WWOX: variants seen among roughly 807,000 people sequenced by gnomAD.
WWOX encodes WW domain containing oxidoreductase, also known as WW domain-containing oxidoreductase.
A neutral mutation model predicts 46.2 loss-of-function variants in WWOX; 69 were observed. That is an observed-to-expected ratio of 1.49 (90% confidence interval 1.23 to 1.82). The LOEUF (loss-of-function observed/expected upper bound fraction) is 1.82, where lower values mean the gene tolerates loss of function less well. WWOX is among the 40% of genes most tolerant of loss of function. The probability of loss-of-function intolerance (pLI) is 0.00; values close to 1 mark genes in which losing one functional copy is unlikely to be tolerated. For synonymous variants in WWOX, 359 were observed against 202.6 expected, an observed-to-expected ratio of 1.77 and a Z score of -6.56; for missense variants, 919 against 542.6, an observed-to-expected ratio of 1.69 and a Z score of -6.89.
At chr16:78,660,150 T>C (rs936849852) in intron 8 of WWOX, among the ~76,000 whole-genome samples, 1 of 152,208 alleles carries the variant, frequency 6.6e-6, no homozygotes. Flanking sequence ...CCCATCTGTT[T>C]ACTATTGTGG....
intron 8 of WWOX, among the ~76,000 whole-genome samples, chr16:78,704,524 G>T (rs556409199): frequency 2.0e-5 from 3 of 152,254 alleles, no homozygotes; most frequent in East Asian, 3.9e-4. Context: ...ACGAGACTTA[G>T]TATCTGTTGC....
intron 6 of WWOX, among the ~76,000 whole-genome samples, chr16:78,422,844 T>TACACACAC (rs370327902): frequency 1.3e-4 from 14 of 105,114 alleles, no homozygotes; most frequent in South Asian, 6.4e-4. Context: ...TATATACATA[T>TACACACAC]ACACACACAC....
At chr16:78,588,585 C>G (rs1368612526) in intron 8 of WWOX, among the ~76,000 whole-genome samples, 3 of 152,154 alleles carry the variant, frequency 2.0e-5, no homozygotes, top group African/African-American at 7.2e-5. Flanking sequence ...ACCAGTTAGT[C>G]TATTTTTTGT....
intron 5 of WWOX, among the ~76,000 whole-genome samples, chr16:78,189,907 G>A (rs539602257): frequency 9.9e-5 from 15 of 152,104 alleles, no homozygotes; most frequent in African/African-American, 3.1e-4. Flanking sequence ...CACCCACCTC[G>A]GCCTCCCAAA....
chr16:78,335,668 T>C (rs2080872784), intron 5 of WWOX, among the ~76,000 whole-genome samples: 1 of 152,168 alleles, frequency 6.6e-6, no homozygotes, highest in Admixed American at 6.5e-5. Context: ...TGCAGCAGTT[T>C]TCACAGTAGA....
chr16:78,484,391 G>C (rs1567599906), intron 8 of WWOX, among the ~76,000 whole-genome samples: 1 of 151,978 alleles, frequency 6.6e-6, no homozygotes, highest in Non-Finnish European at 1.5e-5. Context: ...TATTGATCCA[G>C]CAGCTGGTAT....
intron 8 of WWOX, among the ~76,000 whole-genome samples, chr16:78,808,945 G>C (rs1436452413): frequency 6.6e-6 from 1 of 152,136 alleles, no homozygotes; most frequent in Non-Finnish European, 1.5e-5. Flanking sequence ...GGGGCGAAAT[G>C]TCATGCGCTT....
chr16:78,420,182 A>G (rs929604664), intron 6 of WWOX, among the ~76,000 whole-genome samples: 4 of 152,160 alleles, frequency 2.6e-5, no homozygotes, highest in Non-Finnish European at 4.4e-5. Context: ...GTAAAATTGT[A>G]TGGCCAAACT....
chr16:78,474,511 T>A (rs2151438355), intron 8 of WWOX, among the ~76,000 whole-genome samples: 1 of 152,388 alleles, frequency 6.6e-6, no homozygotes. Context: ...TTTTCTTGTT[T>A]GCTTTTCTTT....
intron 8 of WWOX, among the ~76,000 whole-genome samples, chr16:78,719,117 C>G (rs773674502): frequency 7.9e-5 from 12 of 152,166 alleles, no homozygotes; most frequent in Non-Finnish European, 1.3e-4. Flanking sequence ...GTTTCAAATC[C>G]AAGCCCATCA....
Position 78,999,806 on chromosome 16 carries a change from C to G in WWOX, c.1057-211802C>G, listed in dbSNP as rs187827688. On this transcript the variant is annotated intron_variant, in intron 8 of 8. Coordinates refer to ENST00000566780, the MANE Select transcript of WWOX (RefSeq NM_016373.4). Reference sequence around the variant, plus strand: ...GGATACACTAAAAGTGCAGACTTCACCACTACGCCATATATGCGTGTAAGA... The same window carrying G: ...GGATACACTAAAAGTGCAGACTTCAGCACTACGCCATATATGCGTGTAAGA... Among the ~76,000 whole-genome samples, 303 of 152,198 alleles carry G rather than the reference C, an allele frequency of 2.0e-3. 1 individual carries two copies. Among genetic ancestry groups the G allele is most frequent in the African/African-American group, 7.1e-3 (294 of 41,528 alleles).
At chr16:78,985,391 G>A (rs1394195849) in intron 8 of WWOX, among the ~76,000 whole-genome samples, 1 of 152,218 alleles carries the variant, frequency 6.6e-6, no homozygotes, top group Non-Finnish European at 1.5e-5. Context: ...TAATAGCAGT[G>A]TCAGGGTCCC....
chr16:78,718,933 G>A (rs7189717), intron 8 of WWOX, among the ~76,000 whole-genome samples: 91,686 of 151,346 alleles, frequency 0.61, 27,987 homozygotes, highest in African/African-American at 0.68. Context: ...TGGCATCTGG[G>A]GCTCTCTTGA....
intron 8 of WWOX, among the ~76,000 whole-genome samples, chr16:79,058,266 C>T (rs2048301247): frequency 6.6e-6 from 1 of 152,076 alleles, no homozygotes; most frequent in Admixed American, 6.6e-5. Context: ...CATCTCTGAG[C>T]CTCTATTTTC....
chr16:78,460,257 A>G (rs2083919033), intron 8 of WWOX, among the ~76,000 whole-genome samples: 1 of 152,000 alleles, frequency 6.6e-6, no homozygotes, highest in African/African-American at 2.4e-5. Flanking sequence ...CCTTCCAAGT[A>G]GCTGGTTTTG....
intron 8 of WWOX, among the ~76,000 whole-genome samples, chr16:78,814,887 C>T (rs902802174): frequency 9.2e-5 from 14 of 152,320 alleles, no homozygotes; most frequent in Middle Eastern, 3.4e-3. Context: ...CACCAGCTAC[C>T]TTTGTGCTCC....
At chr16:78,579,857 G>C (rs1287522512) in intron 8 of WWOX, among the ~76,000 whole-genome samples, 4 of 152,090 alleles carry the variant, frequency 2.6e-5, no homozygotes, top group Non-Finnish European at 5.9e-5. Flanking sequence ...CTGAAATGAG[G>C]CTGCCTCGAA....
intron 4 of WWOX, among the ~76,000 whole-genome samples, chr16:78,155,334 T>G (rs2034561791): frequency 6.6e-6 from 1 of 152,174 alleles, no homozygotes; most frequent in Non-Finnish European, 1.5e-5. Context: ...TCTGTGGGCT[T>G]GACTTGTCCT....
intron 8 of WWOX, among the ~76,000 whole-genome samples, chr16:78,841,086 G>C (rs976027689): frequency 3.3e-5 from 5 of 152,096 alleles, no homozygotes; most frequent in Admixed American, 6.5e-5. Context: ...TGTGCCCCCA[G>C]ACATTCATTT....
Sources: allele counts gnomAD v4.1 joint callset (sites outside exome capture counted in the v4.1 genomes callset), GRCh38; gene constraint gnomAD v4.1.1; transcripts MANE v1.5; gene names NCBI Gene and HGNC (gene_info 2026-07-23, HGNC 2026-07-21).